GAD2: variants seen among roughly 807,000 people sequenced by gnomAD.
GAD2 encodes glutamate decarboxylase 2, also known as 65 kDa glutamic acid decarboxylase.
A neutral mutation model predicts 80.1 loss-of-function variants in GAD2; 22 were observed. The observed-to-expected ratio is 0.27, with a 90% CI of 0.20 to 0.39. The LOEUF is 0.39. Ranked by LOEUF, GAD2 falls within the 10% of genes least tolerant of loss-of-function variation. The pLI, the probability that GAD2 is intolerant of heterozygous loss-of-function variation, is 1.00. For synonymous variants in GAD2, 274 were observed against 256.9 expected, an observed-to-expected ratio of 1.07 and a Z score of -0.64; for missense variants, 624 against 738.4, an observed-to-expected ratio of 0.85 and a Z score of 1.80.
Position 26,270,720 on chromosome 10 carries a change from C to T in GAD2, c.1056C>T (p.Asp352=), listed in dbSNP as rs1237418091. 1 of 1,613,846 alleles carries T rather than the reference C, an allele frequency of 6.2e-7. No homozygotes were observed. The highest frequency in any genetic ancestry group is 8.5e-7 in the Non-Finnish European group (1 of 1,179,846). ...TTGACCCCCTCTTAGCTGTCGCTGA[C>T]ATTTGCAAAAAGTATAAGATCTGGA... ...GAFDPLLAVA[D]ICKKYKIWMH... is the part of the protein sequence containing the mutation. The change falls in exon 10 of 16, where the codon GAC becomes GAT. Residue 352 remains aspartate (D), a synonymous_variant. Coordinates refer to ENST00000376261, the MANE Select transcript of GAD2 (RefSeq NM_001134366.2).
chr10:26,295,632 A>G (rs1352917838), intron 15 of GAD2, among the ~76,000 whole-genome samples: 1 of 151,834 alleles, frequency 6.6e-6, no homozygotes, highest in Non-Finnish European at 1.5e-5. Flanking sequence ...TTCATATTTA[A>G]ATTTAAATCA....
At chr10:26,254,100 G>A (rs1447835359) in intron 8 of GAD2, among the ~76,000 whole-genome samples, 3 of 152,130 alleles carry the variant, frequency 2.0e-5, no homozygotes, top group Admixed American at 1.3e-4. Flanking sequence ...GTCCTGGCAC[G>A]ATCTCAGCTC....
At chr10:26,228,208 T>A (rs1273110848) in intron 6 of GAD2, among the ~76,000 whole-genome samples, 1 of 152,216 alleles carries the variant, frequency 6.6e-6, no homozygotes, top group African/African-American at 2.4e-5. Flanking sequence ...TTCATAACAA[T>A]CTGTCTTTCC....
intron 6 of GAD2, among the ~76,000 whole-genome samples, chr10:26,226,692 C>CT (rs920163016): frequency 2.0e-5 from 3 of 152,166 alleles, no homozygotes; most frequent in Non-Finnish European, 4.4e-5. Context: ...GTCTCATTCC[C>CT]TGGGACTCAA....
intron 7 of GAD2, among the ~76,000 whole-genome samples, chr10:26,241,704 G>A (rs556254163): frequency 4.3e-4 from 65 of 152,262 alleles, no homozygotes; most frequent in African/African-American, 1.5e-3. Context: ...TGTATTTTTA[G>A]GTGGAAGTAC....
chr10:26,218,561 A>T (rs796724702), intron 3 of GAD2, among the ~76,000 whole-genome samples: 55 of 148,508 alleles, frequency 3.7e-4, no homozygotes, highest in South Asian at 2.1e-3. Flanking sequence ...TCACACACAC[A>T]CACACACACA....
chr10:26,277,686 G>A (rs1845226405), intron 11 of GAD2, among the ~76,000 whole-genome samples: 1 of 152,152 alleles, frequency 6.6e-6, no homozygotes, highest in African/African-American at 2.4e-5. Context: ...GAGGGGGAGA[G>A]AGAACTGTAA....
chr10:26,285,177 A>T (rs1280932687), intron 12 of GAD2, among the ~76,000 whole-genome samples: 1 of 152,254 alleles, frequency 6.6e-6, no homozygotes, highest in African/African-American at 2.4e-5. Context: ...CTGAAAAATA[A>T]TGAAAGGATT....
intron 8 of GAD2, among the ~76,000 whole-genome samples, chr10:26,250,601 C>T (rs1008617680): frequency 6.6e-6 from 1 of 151,336 alleles, no homozygotes; most frequent in African/African-American, 2.4e-5. Flanking sequence ...ATAAGGCCTA[C>T]GAGAAAAAAG....
At position 26,302,807 on chromosome 10, in the gene GAD2, A is replaced by C. The variant is rs1003581815; in HGVS notation, c.*1846A>C. ...ATGGCTTTGGGCCCTTTCTGTCTAG[A>C]AAAACAAATGGGTTCACTATGACAA... is the stretch of plus-strand genomic sequence containing the variant. On this transcript the variant is annotated 3_prime_UTR_variant, in exon 16 of 16. Coordinates refer to ENST00000376261, the MANE Select transcript of GAD2 (RefSeq NM_001134366.2). The C allele has an allele frequency of 1.3e-5, 2 of 152,238 alleles. No homozygotes were observed. The highest frequency in any genetic ancestry group is 1.5e-5 in the Non-Finnish European group (1 of 68,038). The allele number at this position is 152,238 out of a possible 1,614,324, so 9.4% of individuals were successfully genotyped here.
chr10:26,230,460 G>A (rs991428630), intron 7 of GAD2, among the ~76,000 whole-genome samples: 35 of 151,404 alleles, frequency 2.3e-4, no homozygotes, highest in African/African-American at 4.2e-4. Context: ...AGACAATCTC[G>A]CTATGTCACC....
At chr10:26,270,375 C>T (rs1285713609) in intron 9 of GAD2, among the ~76,000 whole-genome samples, 1 of 152,142 alleles carries the variant, frequency 6.6e-6, no homozygotes, top group African/African-American at 2.4e-5. Flanking sequence ...CCCTGACAGC[C>T]TCTGGGTTCA....
chr10:26,241,313 T>G (rs1262660685), intron 7 of GAD2, among the ~76,000 whole-genome samples: 1 of 152,206 alleles, frequency 6.6e-6, no homozygotes, highest in Non-Finnish European at 1.5e-5. Flanking sequence ...TTGATTATTT[T>G]GGGACAAATT....
At chr10:26,258,950 T>C (rs1844976654) in intron 8 of GAD2, among the ~76,000 whole-genome samples, 1 of 152,044 alleles carries the variant, frequency 6.6e-6, no homozygotes, top group South Asian at 2.1e-4. Context: ...AGTACTTAGC[T>C]GGGACTACAG....
rs777588143 is a variant in GAD2 at position 26,292,948 on chromosome 10, G to A, written c.1541G>A (p.Arg514His). Residue 514 changes from arginine to histidine, a missense_variant, in exon 15 of 16, where the codon CGT becomes CAT. By Grantham distance (29) the Arg-to-His change is conservative. Transcript: ENST00000376261. ...TTCTGGTACATTCCTCCAAGCTTGC[G>A]TACTCTGGAAGACAATGAAGAGAGA... ...VCFWYIPPSL[R>H]TLEDNEERMS... 11 of 1,613,842 alleles carry A rather than the reference G, an allele frequency of 6.8e-6. No individual in the cohort carries two copies. The highest frequency in any genetic ancestry group is 4.5e-5 in the East Asian group (2 of 44,878).
At chr10:26,237,449 G>C (rs113291438) in intron 7 of GAD2, among the ~76,000 whole-genome samples, 2 of 152,008 alleles carry the variant, frequency 1.3e-5, no homozygotes, top group Non-Finnish European at 2.9e-5. Flanking sequence ...TGATACATGG[G>C]AAGGGTAGTG....
chr10:26,235,882 A>G (rs1382481242), intron 7 of GAD2, among the ~76,000 whole-genome samples: 4 of 152,232 alleles, frequency 2.6e-5, no homozygotes, highest in African/African-American at 9.6e-5. Context: ...AAGCTCTTCC[A>G]GAAATATCTT....
At chr10:26,278,159 G>A (rs1455851095) in intron 11 of GAD2, among the ~76,000 whole-genome samples, 2 of 152,184 alleles carry the variant, frequency 1.3e-5, no homozygotes, top group East Asian at 3.9e-4. Flanking sequence ...AGACAAATAG[G>A]CCCCCACGTA....
Position 26,299,832 on chromosome 10 carries a change from A to C in GAD2, c.1585-956A>C, listed in dbSNP as rs544746956. Among the ~76,000 whole-genome samples, 4 of 152,350 alleles carry C rather than the reference A, an allele frequency of 2.6e-5. No homozygotes were observed. In the East Asian group the frequency reaches 7.7e-4, roughly 29 times the overall value. ...TAGAAGTCAGGAAAGGCTTCATAGCAGTTGTAGGACTGTGGTGGAATCTTG... is the reference window on the plus strand; with the variant it reads ...TAGAAGTCAGGAAAGGCTTCATAGCCGTTGTAGGACTGTGGTGGAATCTTG... On this transcript the variant is annotated intron_variant, in intron 15 of 15. Transcript: ENST00000376261.
Sources: gnomAD v4.1 joint callset for allele counts (sites outside exome capture counted in the v4.1 genomes callset) on GRCh38, gnomAD v4.1.1 for gene constraint, MANE v1.5 for transcripts, NCBI Gene and HGNC (gene_info 2026-07-23, HGNC 2026-07-21) for gene names.